The following IQCK variants were observed in gnomAD, a reference collection of about 807,000 sequenced individuals.
IQCK encodes the protein IQ motif containing K, also known as IQ domain-containing protein K.
In IQCK, 29 loss-of-function variants were observed where a neutral mutation model predicts 28.1. The ratio of observed to expected loss-of-function variants is 1.03; its 90% CI spans 0.77 to 1.41. The LOEUF (loss-of-function observed/expected upper bound fraction) is 1.41, where lower values mean the gene tolerates loss of function less well. Ranked by LOEUF, IQCK falls within the 40% of genes most tolerant of loss-of-function variation. The pLI, the probability that IQCK is intolerant of heterozygous loss-of-function variation, is 0.00. For synonymous variants in IQCK, 113 were observed against 115.1 expected (o/e 0.98, Z 0.12); for missense variants, 359 against 314.7 (o/e 1.14, Z -1.07).
chr16:19,772,963 G>A (rs13337787), intron 6 of IQCK, among the ~76,000 whole-genome samples: 3,444 of 152,124 alleles, frequency 0.023, 109 homozygotes, highest in African/African-American at 0.078. Flanking sequence ...TGGTTGTGCC[G>A]CTGCAATCCA....
chr16:19,768,638 C>T (rs1241117617), intron 6 of IQCK, among the ~76,000 whole-genome samples: 2 of 152,004 alleles, frequency 1.3e-5, no homozygotes, highest in East Asian at 3.9e-4. Flanking sequence ...CCCAGCTACT[C>T]GGAAGGCTGA....
intron 9 of IQCK, among the ~76,000 whole-genome samples, chr16:19,841,742 C>T (rs1342594044): frequency 2.0e-5 from 3 of 152,114 alleles, no homozygotes; most frequent in Admixed American, 6.5e-5. Context: ...GCATCCCTCT[C>T]GCTGGATTCC....
chr16:19,782,163 T>G (rs928477878), intron 6 of IQCK, among the ~76,000 whole-genome samples: 1 of 152,112 alleles, frequency 6.6e-6, no homozygotes, highest in African/African-American at 2.4e-5. Context: ...GCCGTCTTTG[T>G]AAATGGCTTT....
intron 9 of IQCK, among the ~76,000 whole-genome samples, chr16:19,844,693 G>T (rs1319398848): frequency 1.3e-5 from 2 of 152,212 alleles, no homozygotes; most frequent in Non-Finnish European, 2.9e-5. Context: ...AACGCCGGTT[G>T]AAACTCAAAG....
At chr16:19,752,355 G>C (rs2054997652) in intron 4 of IQCK, among the ~76,000 whole-genome samples, 1 of 152,138 alleles carries the variant, frequency 6.6e-6, no homozygotes, top group South Asian at 2.1e-4. Flanking sequence ...CATTTTTACT[G>C]TAAGCATTTT....
At chr16:19,804,802 C>A (rs768699021) in intron 7 of IQCK, among the ~76,000 whole-genome samples, 3 of 152,222 alleles carry the variant, frequency 2.0e-5, no homozygotes, top group Non-Finnish European at 2.9e-5. Flanking sequence ...ATTTCTCATT[C>A]ACAATACTTT....
intron 4 of IQCK, among the ~76,000 whole-genome samples, chr16:19,745,765 A>G (rs888820906): frequency 6.6e-6 from 1 of 152,104 alleles, no homozygotes. Flanking sequence ...CACTCATGTG[A>G]CTGCGTTCAG....
At chr16:19,782,982 ATTC>A (rs2055509364) in intron 6 of IQCK, among the ~76,000 whole-genome samples, 1 of 124,700 alleles carries the variant, frequency 8.0e-6, no homozygotes, top group African/African-American at 5.1e-5. Flanking sequence ...TATAGCGTTG[ATTC>A]TTCTTCTTTT....
Position 19,857,692 on chromosome 16 carries a change from G to A in IQCK, c.*1144G>A, listed in dbSNP as rs557951061. The stretch of plus-strand genomic sequence containing the variant: ...GCGTTCAACTCAGCCTTGGCCAACC[G>A]AGACCACCACCCGAGTTCACCCTTG... On this transcript the variant is annotated 3_prime_UTR_variant, in exon 10 of 10. Transcript: ENST00000320394. 12 of 195,424 alleles carry A rather than the reference G, an allele frequency of 6.1e-5. No homozygotes were observed. In the South Asian group the frequency reaches 8.4e-4, roughly 14 times the overall value. 12.1% of individuals were successfully genotyped at this position (195,424 alleles called of 1,614,324 possible). A position where few individuals can be genotyped will look rare whatever the true frequency, so the allele number is the denominator to read the frequency against.
At chr16:19,833,346 CG>C (rs2056256116) in intron 9 of IQCK, among the ~76,000 whole-genome samples, 1 of 152,046 alleles carries the variant, frequency 6.6e-6, no homozygotes, top group Non-Finnish European at 1.5e-5. Context: ...GCCATTTGTT[CG>C]GGAAATACTC....
At chr16:19,775,572 T>C (rs2055380256) in intron 6 of IQCK, among the ~76,000 whole-genome samples, 1 of 152,180 alleles carries the variant, frequency 6.6e-6, no homozygotes, top group East Asian at 1.9e-4. Context: ...TAGGCTAGGT[T>C]GCAGTTATAA....
intron 9 of IQCK, among the ~76,000 whole-genome samples, chr16:19,844,058 G>A (rs575192021): frequency 9.2e-5 from 14 of 151,412 alleles, no homozygotes; most frequent in Admixed American, 3.9e-4. Context: ...TCATGTACAA[G>A]GTTTTGTGTA....
chr16:19,745,008 A>G (rs1024508861), intron 4 of IQCK, among the ~76,000 whole-genome samples: 1 of 152,244 alleles, frequency 6.6e-6, no homozygotes, highest in Non-Finnish European at 1.5e-5. Context: ...ATAAGTGAAG[A>G]ATCACATGGA....
chr16:19,746,419 G>A (rs903748945), intron 4 of IQCK, among the ~76,000 whole-genome samples: 2 of 152,084 alleles, frequency 1.3e-5, no homozygotes, highest in African/African-American at 4.8e-5. Context: ...CTATCAAATA[G>A]TAGGTCTTAG....
intron 4 of IQCK, among the ~76,000 whole-genome samples, chr16:19,745,590 A>G (rs148409903): frequency 2.6e-5 from 4 of 152,328 alleles, no homozygotes; most frequent in Admixed American, 2.6e-4. Flanking sequence ...GCTTCTTGCT[A>G]TCCTGAAATG....
intron 6 of IQCK, among the ~76,000 whole-genome samples, chr16:19,783,645 A>G (rs988316965): frequency 1.3e-5 from 2 of 152,132 alleles, no homozygotes; most frequent in African/African-American, 2.4e-5. Context: ...GGCCTGCTGA[A>G]ATGATTGATA....
chr16:19,828,850 CAA>C (rs942676181), downstream of IQCK, among the ~76,000 whole-genome samples: 5 of 125,634 alleles, frequency 4.0e-5, no homozygotes, highest in African/African-American at 1.5e-4. Flanking sequence ...GACACCGTCT[CAA>C]AAAAAATATA....
intron 6 of IQCK, among the ~76,000 whole-genome samples, chr16:19,781,321 C>A (rs1404886710): frequency 6.6e-6 from 1 of 152,128 alleles, no homozygotes; most frequent in African/African-American, 2.4e-5. Context: ...CGCTGCTTGG[C>A]GAGTTCTGCT....
chr16:19,778,087 G>A (rs1347800708), intron 6 of IQCK, among the ~76,000 whole-genome samples: 2 of 152,120 alleles, frequency 1.3e-5, no homozygotes, highest in African/African-American at 4.8e-5. Flanking sequence ...GAGCCTGTGC[G>A]AAGCAGTATG....
Sources: gnomAD v4.1 joint callset for allele counts (sites outside exome capture counted in the v4.1 genomes callset) on GRCh38, gnomAD v4.1.1 for gene constraint, MANE v1.5 for transcripts, NCBI Gene and HGNC (gene_info 2026-07-23, HGNC 2026-07-21) for gene names.